The following BDP1 variants were observed in gnomAD, a reference collection of about 807,000 sequenced individuals.
BDP1 encodes transcription factor TFIIIB component B'' homolog.
Under a neutral mutation model 266.6 loss-of-function variants are expected in BDP1, and 169 were observed. The ratio of observed to expected loss-of-function variants is 0.63; its 90% CI spans 0.56 to 0.72. The LOEUF (loss-of-function observed/expected upper bound fraction) is 0.72, where lower values mean the gene tolerates loss of function less well. Among genes scored for constraint, BDP1 ranks in the 30% least tolerant of loss-of-function variants. The pLI is 0.00. For missense variants in BDP1, 3,015 were observed against 3,053.8 expected, an observed-to-expected ratio of 0.99 and a Z score of 0.30; for synonymous variants, 1,090 against 1,022.4, an observed-to-expected ratio of 1.07 and a Z score of -1.26.
intron 26 of BDP1, among the ~76,000 whole-genome samples, chr5:71,533,432 G>A (rs138319969): frequency 6.0e-5 from 9 of 151,226 alleles, no homozygotes; most frequent in South Asian, 2.1e-4. Flanking sequence ...TGTCCTTGCC[G>A]GCACTTGTTA....
At chr5:71,547,179 C>G (rs1470872160) in intron 32 of BDP1, among the ~76,000 whole-genome samples, 1 of 150,890 alleles carries the variant, frequency 6.6e-6, no homozygotes, top group Non-Finnish European at 1.5e-5. Context: ...TTCTTAAATT[C>G]AAGATCCAAT....
At chr5:71,560,378 G>T in intron 37 of BDP1, 141 bp downstream of exon 37, 1 of 960,540 alleles carries the variant, frequency 1.0e-6, no homozygotes, top group Admixed American at 3.2e-5. Context: ...AAAAGTTTCA[G>T]CCAAGGAAAT....
intron 25 of BDP1, among the ~76,000 whole-genome samples, chr5:71,526,690 T>G (rs1372971895): frequency 1.3e-5 from 2 of 149,944 alleles, no homozygotes; most frequent in African/African-American, 2.4e-5. Flanking sequence ...TCTCTGTTTT[T>G]TTTTTTTTTT....
intron 22 of BDP1, among the ~76,000 whole-genome samples, chr5:71,518,137 G>T (rs1457338158): frequency 6.6e-6 from 1 of 152,168 alleles, no homozygotes; most frequent in Non-Finnish European, 1.5e-5. Flanking sequence ...AAAGCAAGAT[G>T]TGTTCTTTTC....
chr5:71,574,072 G>A, the BDP1 span, among the ~76,000 whole-genome samples: 3 of 152,324 alleles, frequency 2.0e-5, no homozygotes, highest in South Asian at 6.2e-4. Context: ...TTGTCAAGAT[G>A]TAGGAACTGA....
Position 71,565,161 on chromosome 5 carries a change from C to T in BDP1, c.*276C>T. The stretch of plus-strand genomic sequence containing the variant: ...ACTCTTGTTTACATTTTGACTCTTC[C>T]TGTGCTAAGCACACATGGACATTTG... On this transcript the variant is annotated 3_prime_UTR_variant, in exon 39 of 39. Transcript: ENST00000358731. The T allele has an allele frequency of 3.1e-6, 1 of 324,852 alleles. No individual in the cohort carries two copies. Among genetic ancestry groups the T allele is most frequent in the South Asian group, 5.5e-5 (1 of 18,086 alleles). 20.1% of individuals were successfully genotyped at this position (324,852 alleles called of 1,614,324 possible).
At chr5:71,488,113 G>T (rs1763375362) in intron 9 of BDP1, among the ~76,000 whole-genome samples, 1 of 151,940 alleles carries the variant, frequency 6.6e-6, no homozygotes, top group Admixed American at 6.6e-5. Context: ...GTAACTCACT[G>T]TATCTTACTT....
intron 35 of BDP1, among the ~76,000 whole-genome samples, chr5:71,554,355 T>A (rs1445915564): frequency 6.6e-6 from 1 of 152,230 alleles, no homozygotes; most frequent in African/African-American, 2.4e-5. Context: ...TATATATGTC[T>A]GTGGTAATGA....
At chr5:71,574,023 C>T in the BDP1 span, among the ~76,000 whole-genome samples, 1 of 152,152 alleles carries the variant, frequency 6.6e-6, no homozygotes, top group African/African-American at 2.4e-5. Context: ...GCCCTGGCAC[C>T]AGTGAGGTGT....
intron 32 of BDP1, chr5:71,545,436 A>C: frequency 1.9e-6 from 1 of 528,994 alleles, no homozygotes; most frequent in African/African-American, 2.0e-5. Flanking sequence ...GATTCAACAG[A>C]TTCTCCTGCC....
intron 2 of BDP1, among the ~76,000 whole-genome samples, chr5:71,459,730 T>C (rs956509638): frequency 2.0e-5 from 3 of 152,214 alleles, no homozygotes; most frequent in African/African-American, 7.2e-5. Flanking sequence ...GCTTCATTTC[T>C]TTACTAGCTT....
At chr5:71,463,951 T>A in intron 3 of BDP1, 107 bp from the exon 4 acceptor site, 1 of 665,146 alleles carries the variant, frequency 1.5e-6, no homozygotes, top group East Asian at 2.9e-5. Context: ...TGCTGTGATA[T>A]ATCATTAAAA....
chr5:71,478,263 AAAAC>A (rs1762721625), intron 7 of BDP1, among the ~76,000 whole-genome samples: 1 of 152,288 alleles, frequency 6.6e-6, no homozygotes, highest in South Asian at 2.1e-4. Flanking sequence ...AACAAAAACA[AAAAC>A]AAGCAAACAA....
chr5:71,541,702 TAATA>T lies in BDP1; in HGVS notation c.6251+25_6251+28del, dbSNP rs1244744996. On this transcript the variant is annotated intron_variant, in intron 29 of 38. Transcript: ENST00000358731. ...AACCAGGTTTATTTTAGTATTCAAT[TAATA>T]AATATTACTAAAACCACCATCAAAT... 1 of 1,408,784 alleles carries T rather than the reference TAATA, an allele frequency of 7.1e-7. No individual in the cohort carries two copies. The highest frequency in any genetic ancestry group is 2.4e-5 in the East Asian group (1 of 42,482). 87.3% of individuals were successfully genotyped at this position (1,408,784 alleles called of 1,614,324 possible).
chr5:71,468,558 ATCTC>A (rs2150361008), intron 6 of BDP1, among the ~76,000 whole-genome samples: 1 of 150,908 alleles, frequency 6.6e-6, no homozygotes, highest in African/African-American at 2.4e-5. Flanking sequence ...TCTCTGTCAA[ATCTC>A]TACAGTAAAT....
intron 12 of BDP1, among the ~76,000 whole-genome samples, chr5:71,496,229 G>T (rs1339713865): frequency 7.5e-6 from 1 of 134,192 alleles, no homozygotes; most frequent in Non-Finnish European, 1.6e-5. Flanking sequence ...GCGACAGAGC[G>T]AGACTCCATT....
In BDP1 at chr5:71,486,573, A is replaced by G; in HGVS notation, c.1159A>G (p.Lys387Glu). ...AGAGAAAAGAAAACAAAAATCTGTT[A>G]AAAATCACAGTTTAAAGGAGAAGAA... is the stretch of plus-strand genomic sequence containing the variant. ...EEEKRKQKSV[K>E]NHSLKEKKST... Residue 387 changes from lysine (K) to glutamate (E), a missense_variant, in exon 9 of 39, where the codon AAA becomes GAA. Around this residue, in one of 3 missense-constraint regions of BDP1, gnomAD observed 2,383 missense variants for 2,404.9 expected, o/e 0.99. Transcript: ENST00000358731. The G allele has an allele frequency of 6.5e-7, 1 of 1,544,748 alleles. No homozygotes were observed. The highest frequency in any genetic ancestry group is 8.6e-7 in the Non-Finnish European group (1 of 1,159,110).
At chr5:71,506,501 G>T (rs1249409268) in intron 16 of BDP1, among the ~76,000 whole-genome samples, 1 of 151,976 alleles carries the variant, frequency 6.6e-6, no homozygotes, top group Non-Finnish European at 1.5e-5. Flanking sequence ...TTTAGGCTGG[G>T]CATGGTGACT....
intron 26 of BDP1, 123 bp from the exon 27 acceptor site, chr5:71,538,919 C>T: frequency 1.5e-6 from 1 of 662,968 alleles, no homozygotes; most frequent in Non-Finnish European, 2.6e-6. Context: ...TAAATTAAGA[C>T]AAACCAGTTT....
Sources: gnomAD v4.1 joint callset for allele counts (sites outside exome capture counted in the v4.1 genomes callset) on GRCh38, gnomAD v4.1.1 for gene constraint, gnomAD v4.1.1 regional missense constraint, MANE v1.5 for transcripts, NCBI Gene and HGNC (gene_info 2026-07-23, HGNC 2026-07-21) for gene names.